HPSE2: variants seen among roughly 807,000 people sequenced by gnomAD.
HPSE2 encodes inactive heparanase-2.
In HPSE2, 38 loss-of-function variants were observed where a neutral mutation model predicts 60.5. That is an observed-to-expected ratio of 0.63 (90% CI 0.48 to 0.82). HPSE2 has a LOEUF of 0.82. HPSE2 is among the 40% of genes least tolerant of loss of function. The pLI, the probability that HPSE2 is intolerant of heterozygous loss-of-function variation, is 0.00. For synonymous variants in HPSE2, 295 were observed against 293.2 expected, an observed-to-expected ratio of 1.01 and a Z score of -0.06; for missense variants, 713 against 740.4, an observed-to-expected ratio of 0.96 and a Z score of 0.43.
chr10:99,079,040 G>A (rs907797980), intron 3 of HPSE2, among the ~76,000 whole-genome samples: 4 of 152,120 alleles, frequency 2.6e-5, no homozygotes, highest in African/African-American at 9.7e-5. Flanking sequence ...TCCTCCCCAA[G>A]AAAAATCTGG....
chr10:99,129,329 T>C (rs1268506101), intron 3 of HPSE2, among the ~76,000 whole-genome samples: 2 of 152,192 alleles, frequency 1.3e-5, no homozygotes, highest in African/African-American at 4.8e-5. Flanking sequence ...ATCTGTAGAA[T>C]ATACATTCTT....
At chr10:99,255,977 C>T in the HPSE2 span, among the ~76,000 whole-genome samples, 121 of 152,150 alleles carry the variant, frequency 8.0e-4, no homozygotes, top group African/African-American at 2.7e-3. Flanking sequence ...TGGCAGAAGG[C>T]GAAGCAGAGG....
chr10:98,499,545 A>C (rs901631603), intron 9 of HPSE2, among the ~76,000 whole-genome samples: 17 of 152,176 alleles, frequency 1.1e-4, no homozygotes, highest in African/African-American at 4.1e-4. Flanking sequence ...TCAAAACAGA[A>C]CCTCTTTAAA....
In HPSE2 at chr10:99,152,840, C is replaced by G. The variant is rs576059389; in HGVS notation, c.449-8441G>C. Reference sequence around the variant, plus strand: ...ATTTCTGCATTTCCATCTGAGGTACCGGGTTCACCTCACTAGGGAGTGCCA... The same window carrying G: ...ATTTCTGCATTTCCATCTGAGGTACGGGGTTCACCTCACTAGGGAGTGCCA... On this transcript the variant is annotated intron_variant, in intron 2 of 11. Transcript: ENST00000370552. Among the ~76,000 whole-genome samples the G allele has an allele frequency of 1.0e-3, 152 of 152,314 alleles. 1 individual carries two copies. The highest frequency in any genetic ancestry group is 5.2e-3 in the South Asian group (25 of 4,828).
chr10:98,680,171 C>T (rs1460733984), intron 6 of HPSE2, among the ~76,000 whole-genome samples: 1 of 152,098 alleles, frequency 6.6e-6, no homozygotes, highest in Non-Finnish European at 1.5e-5. Context: ...ATAAATCATA[C>T]CCAGTGGCAC....
chr10:98,566,805 C>T (rs1944358767), intron 9 of HPSE2, among the ~76,000 whole-genome samples: 2 of 152,052 alleles, frequency 1.3e-5, no homozygotes, highest in Non-Finnish European at 2.9e-5. Context: ...TAGAGGCTCT[C>T]CTATGGAAGG....
intron 3 of HPSE2, among the ~76,000 whole-genome samples, chr10:99,031,496 A>G (rs1957497886): frequency 6.6e-6 from 1 of 152,182 alleles, no homozygotes; most frequent in Admixed American, 6.6e-5. Flanking sequence ...AATACACAGC[A>G]CAGTCCTCTC....
intron 3 of HPSE2, among the ~76,000 whole-genome samples, chr10:99,089,796 C>T (rs567767103): frequency 2.1e-4 from 32 of 152,120 alleles, no homozygotes; most frequent in Admixed American, 2.0e-3. Context: ...AAGATTCTAC[C>T]CATCCATGAG....
chr10:98,734,540 T>G (rs1030222785), intron 4 of HPSE2, among the ~76,000 whole-genome samples: 5 of 111,596 alleles, frequency 4.5e-5, no homozygotes, highest in African/African-American at 1.3e-4. Context: ...CTTTTTAAAA[T>G]TTGGCCATCC....
intron 3 of HPSE2, among the ~76,000 whole-genome samples, chr10:99,012,862 T>C (rs541028688): frequency 4.6e-5 from 7 of 152,304 alleles, no homozygotes; most frequent in East Asian, 3.9e-4. Context: ...AGAGGATTCA[T>C]TATGAGAAAA....
At chr10:98,493,163 G>C (rs559644985) in intron 9 of HPSE2, among the ~76,000 whole-genome samples, 1 of 152,158 alleles carries the variant, frequency 6.6e-6, no homozygotes, top group Non-Finnish European at 1.5e-5. Context: ...TCTTTTGTAA[G>C]GCTGAATAAT....
In HPSE2 at chr10:98,949,872, T is replaced by C. The variant is rs775267423; in HGVS notation, c.610+194366A>G. Among the ~76,000 whole-genome samples the C allele has an allele frequency of 2.0e-5, 3 of 151,942 alleles. No individual in the cohort carries two copies. In the East Asian group the frequency reaches 5.8e-4, roughly 29 times the overall value. On this transcript the variant is annotated intron_variant, in intron 3 of 11. Coordinates refer to ENST00000370552, the MANE Select transcript of HPSE2 (RefSeq NM_021828.5). ...AAAAAGCAGCTAAAGGAAAGATATA[T>C]AAAAAGAGGAAAACAGAACAGGAAG...
At chr10:98,606,075 C>T (rs1018172615) in intron 9 of HPSE2, among the ~76,000 whole-genome samples, 13 of 152,062 alleles carry the variant, frequency 8.5e-5, no homozygotes, top group Admixed American at 5.9e-4. Flanking sequence ...TTTTAGTCTC[C>T]CCTTCTAGAC....
intron 9 of HPSE2, among the ~76,000 whole-genome samples, chr10:98,579,987 G>C (rs780915971): frequency 1.3e-5 from 2 of 152,130 alleles, no homozygotes; most frequent in African/African-American, 4.8e-5. Context: ...GTGATTTGTG[G>C]ACTTTCATGT....
chr10:98,596,352 T>A (rs12357902), intron 9 of HPSE2, among the ~76,000 whole-genome samples: 63,673 of 151,598 alleles, frequency 0.42, 16,051 homozygotes, highest in Admixed American at 0.54. Context: ...TTAATCTTCA[T>A]TTTAAAGATA....
At chr10:98,581,925 T>A (rs898457673) in intron 9 of HPSE2, among the ~76,000 whole-genome samples, 1 of 152,166 alleles carries the variant, frequency 6.6e-6, no homozygotes, top group Non-Finnish European at 1.5e-5. Flanking sequence ...TAGATGAAAG[T>A]CAATTCCAAG....
intron 3 of HPSE2, among the ~76,000 whole-genome samples, chr10:99,003,388 G>A (rs1228400954): frequency 6.6e-6 from 1 of 152,020 alleles, no homozygotes; most frequent in Non-Finnish European, 1.5e-5. Context: ...TGCATCAAAT[G>A]ATAGTTCTAT....
chr10:98,620,327 A>G (rs1946039293), intron 8 of HPSE2, among the ~76,000 whole-genome samples: 2 of 152,210 alleles, frequency 1.3e-5, no homozygotes, highest in South Asian at 2.1e-4. Context: ...CTGTGTTTTG[A>G]ACTTTAGACA....
chr10:98,821,294 C>T (rs746983053), intron 3 of HPSE2, among the ~76,000 whole-genome samples: 6 of 152,148 alleles, frequency 3.9e-5, no homozygotes, highest in Admixed American at 2.6e-4. Flanking sequence ...TAGGCTTCTA[C>T]ATACCTAGTT....
Sources: allele counts gnomAD v4.1 joint callset (sites outside exome capture counted in the v4.1 genomes callset), GRCh38; gene constraint gnomAD v4.1.1; transcripts MANE v1.5; gene names NCBI Gene and HGNC (gene_info 2026-07-23, HGNC 2026-07-21).